Variants in SVEP1 observed in about 807,000 individuals in gnomAD.
SVEP1 encodes sushi, von Willebrand factor type A, EGF and pentraxin domain-containing protein 1.
Under a neutral mutation model 367.3 loss-of-function variants are expected in SVEP1, and 164 were observed. That is an observed-to-expected ratio of 0.45 (90% confidence interval 0.39 to 0.51). The LOEUF is 0.51. Among genes scored for constraint, SVEP1 ranks in the 20% least tolerant of loss-of-function variants. SVEP1 has a pLI of 0.00. For synonymous variants in SVEP1, 1,666 were observed against 1,611.6 expected (o/e 1.03, Z -0.81); for missense variants, 4,117 against 4,425.3 (o/e 0.93, Z 1.98).
chr9:110,457,436 AT>A, intron 20 of SVEP1, 84 bp from the exon 21 acceptor site: 1 of 1,060,562 alleles, frequency 9.4e-7, no homozygotes, highest in Non-Finnish European at 1.4e-6. Context: ...GGTTTGCAAC[AT>A]TAGACAGCTC....
intron 26 of SVEP1, among the ~76,000 whole-genome samples, chr9:110,445,170 C>T (rs17807662): frequency 0.033 from 5,026 of 152,250 alleles, 82 homozygotes; most frequent in Middle Eastern, 0.058. Context: ...GGACCACAAA[C>T]GCTGGGTCAG....
At chr9:110,574,767 G>GAGA (rs10680193) in intron 1 of SVEP1, among the ~76,000 whole-genome samples, 59,130 of 92,308 alleles carry the variant, frequency 0.64, 15,526 homozygotes, top group East Asian at 0.85. Flanking sequence ...TTTTTTTTTT[G>GAGA]AGGAGTCTCA....
chr9:110,538,182 ATACC>A (rs1289307183), intron 3 of SVEP1, among the ~76,000 whole-genome samples: 5 of 152,048 alleles, frequency 3.3e-5, no homozygotes, highest in Non-Finnish European at 7.4e-5. Flanking sequence ...TCAGGGCTGA[ATACC>A]TACCTCATTC....
chr9:110,403,585 G>A (rs1014591801), intron 39 of SVEP1, among the ~76,000 whole-genome samples: 1 of 151,826 alleles, frequency 6.6e-6, no homozygotes, highest in African/African-American at 2.4e-5. Context: ...TTACAGGCGT[G>A]AGCCACCGTG....
intron 36 of SVEP1, among the ~76,000 whole-genome samples, chr9:110,426,349 A>C (rs749703989): frequency 2.0e-5 from 3 of 152,212 alleles, no homozygotes; most frequent in Admixed American, 6.5e-5. Flanking sequence ...CAATCATCAT[A>C]ATAATGGCTA....
intron 18 of SVEP1, among the ~76,000 whole-genome samples, chr9:110,464,223 A>G (rs545453779): frequency 6.6e-6 from 1 of 152,320 alleles, no homozygotes; most frequent in African/African-American, 2.4e-5. Context: ...CTTTTAATTA[A>G]AAGATCCAAA....
At chr9:110,556,306 G>A (rs960487644) in intron 1 of SVEP1, among the ~76,000 whole-genome samples, 1 of 152,098 alleles carries the variant, frequency 6.6e-6, no homozygotes, top group African/African-American at 2.4e-5. Flanking sequence ...TTGAAAAATG[G>A]TCTTGAAAGA....
chr9:110,389,109 G>A (rs1564126744), intron 41 of SVEP1, among the ~76,000 whole-genome samples: 1 of 152,182 alleles, frequency 6.6e-6, no homozygotes, highest in Non-Finnish European at 1.5e-5. Flanking sequence ...TAAATTCCAT[G>A]CAAAATATTA....
At chr9:110,470,776 A>G (rs1393363650) in intron 16 of SVEP1, among the ~76,000 whole-genome samples, 1 of 148,330 alleles carries the variant, frequency 6.7e-6, no homozygotes, top group East Asian at 1.9e-4. Flanking sequence ...AGAAAAATAA[A>G]TATATATATA....
chr9:110,546,069 T>G, intron 3 of SVEP1, 46 bp downstream of exon 3: 1 of 1,542,836 alleles, frequency 6.5e-7, no homozygotes, highest in Non-Finnish European at 8.8e-7. Context: ...TAGAATCATT[T>G]GTTACACAGC....
In SVEP1 at chr9:110,375,905, A is replaced by AC. The variant is rs1472965512; in HGVS notation, c.10505-443dup. ...GAGAATGGGAATCAGATAGGCTGTA[A>AC]CATAGGGTTGGAGTTTGCAACATTT... On this transcript the variant is annotated intron_variant, in intron 45 of 47. Transcript: ENST00000374469. Among the ~76,000 whole-genome samples the AC allele has an allele frequency of 2.0e-5, 3 of 148,852 alleles. No homozygotes were observed. In the East Asian group the frequency reaches 5.8e-4, roughly 29 times the overall value.
At chr9:110,415,169 G>A (rs1480928112) in intron 36 of SVEP1, among the ~76,000 whole-genome samples, 1 of 152,058 alleles carries the variant, frequency 6.6e-6, no homozygotes, top group Non-Finnish European at 1.5e-5. Context: ...ACAGAAATGA[G>A]ACTTCTTGCT....
intron 44 of SVEP1, among the ~76,000 whole-genome samples, chr9:110,378,989 C>G (rs1827393048): frequency 1.3e-5 from 2 of 151,656 alleles, no homozygotes; most frequent in Admixed American, 1.3e-4. Flanking sequence ...TTGGTTTTAT[C>G]TGTGTGTACT....
intron 3 of SVEP1, among the ~76,000 whole-genome samples, chr9:110,541,532 G>C (rs890792067): frequency 1.4e-4 from 22 of 151,902 alleles, no homozygotes; most frequent in African/African-American, 4.4e-4. Flanking sequence ...TAAGATATAC[G>C]GTTGTCACTT....
intron 23 of SVEP1, among the ~76,000 whole-genome samples, chr9:110,450,473 T>TTG (rs1828676192): frequency 6.9e-6 from 1 of 145,842 alleles, no homozygotes; most frequent in Non-Finnish European, 1.5e-5. Flanking sequence ...ATCTGTTTTT[T>TTG]TTTTTTTTTT....
intron 8 of SVEP1, among the ~76,000 whole-genome samples, chr9:110,493,457 G>A (rs1829400589): frequency 6.6e-6 from 1 of 152,124 alleles, no homozygotes; most frequent in Admixed American, 6.5e-5. Flanking sequence ...AAATGGGCCA[G>A]GCACGGTTGG....
rs1827983971 is a variant in SVEP1, at chr9:110,408,101, T to C, written c.7499A>G (p.Lys2500Arg). 2 of 1,613,916 alleles carry C rather than the reference T, an allele frequency of 1.2e-6. No homozygotes were observed. The highest frequency in any genetic ancestry group is 1.6e-4 in the Middle Eastern group (1 of 6,062). ...KPTCKAIECL[K>R]PKEILNGKFS... ...TTTGCCATTCAAAATCTCCTTGGGT[T>C]TCAGGCACTCAATGGCTTTACATGT... The change falls in exon 38 of 48, where the codon AAA becomes AGA. Residue 2500 changes from lysine to arginine, a missense_variant. Physicochemically the swap from Lys to Arg is conservative, Grantham distance 26. This residue lies in a region of SVEP1 where 1,765 missense variants were observed against 1,781.1 expected (regional missense o/e 0.99). Coordinates refer to ENST00000374469, the MANE Select transcript of SVEP1 (RefSeq NM_153366.4).
In SVEP1 at chr9:110,496,872, T is replaced by G. The variant is rs10817033; in HGVS notation, c.1743A>C (p.Gln581His). The G allele has an allele frequency of 0.11, 173,176 of 1,557,606 alleles. 10,783 individuals are homozygous for G. The highest frequency in any genetic ancestry group is 0.2 in the Middle Eastern group (1,194 of 5,996). ...KDIEAKTLEQ[Q>H]DSANVTWQIP... ...TCTGCCAGGTAACATTGGCAGAATCTTGCTGTTCCAGAGTCTTAGCCTCTA... is the reference window on the plus strand; with the variant it reads ...TCTGCCAGGTAACATTGGCAGAATCGTGCTGTTCCAGAGTCTTAGCCTCTA... Residue 581 changes from glutamine to histidine, a missense_variant, in exon 8 of 48, where the codon CAA (glutamine) becomes CAC (histidine). Physicochemically the swap from Gln to His is conservative, Grantham distance 24 (BLOSUM62 0). Transcript: ENST00000374469.
intron 8 of SVEP1, among the ~76,000 whole-genome samples, chr9:110,495,674 G>C (rs965359353): frequency 6.6e-6 from 1 of 150,424 alleles, no homozygotes; most frequent in African/African-American, 2.4e-5. Flanking sequence ...GGTAAGTGTA[G>C]AAATAACATA....
Sources: allele counts gnomAD v4.1 joint callset (sites outside exome capture counted in the v4.1 genomes callset), GRCh38; gene constraint gnomAD v4.1.1; regional missense constraint gnomAD v4.1.1; transcripts MANE v1.5; gene names NCBI Gene and HGNC (gene_info 2026-07-23, HGNC 2026-07-21).